MSRA: variants seen among roughly 807,000 people sequenced by gnomAD.
MSRA encodes mitochondrial peptide methionine sulfoxide reductase.
In MSRA, 54 loss-of-function variants were observed where a neutral mutation model predicts 31.3. The observed-to-expected ratio is 1.73, with a 90% confidence interval of 1.39 to 2.17. The LOEUF is 2.17. MSRA is among the 30% of genes most tolerant of loss of function. MSRA has a pLI of 0.00. For synonymous variants in MSRA, 169 were observed against 116.5 expected, an observed-to-expected ratio of 1.45 and a Z score of -2.90; for missense variants, 507 against 300.9, an observed-to-expected ratio of 1.69 and a Z score of -5.07.
intron 1 of MSRA, among the ~76,000 whole-genome samples, chr8:10,189,406 A>G (rs937517483): frequency 2.0e-5 from 3 of 152,178 alleles, no homozygotes; most frequent in African/African-American, 4.8e-5. Context: ...AGTGAGTGTA[A>G]ACCCTAGCTT....
chr8:10,149,815 G>A lies in MSRA; in HGVS notation c.143-58018G>A, dbSNP rs1173122305. Among the ~76,000 whole-genome samples the A allele has an allele frequency of 4.3e-4, 4 of 9,284 alleles. 1 individual carries two copies. Among genetic ancestry groups the A allele is most frequent in the Non-Finnish European group, 1.5e-3 (4 of 2,706 alleles). The allele number at this position is 9,284 out of a possible 152,430, so 6.1% of individuals were successfully genotyped here. A position where few individuals can be genotyped will look rare whatever the true frequency, so the allele number is the denominator to read the frequency against. On this transcript the variant is annotated intron_variant, in intron 1 of 5. Transcript: ENST00000317173. ...AATGACTAATATTTGAGAAGCACTA[G>A]TTTGTGGCACATGGGACGGTATATT...
At chr8:10,303,038 C>T (rs1276327571) in intron 4 of MSRA, among the ~76,000 whole-genome samples, 1 of 152,208 alleles carries the variant, frequency 6.6e-6, no homozygotes, top group East Asian at 1.9e-4. Flanking sequence ...TCTGGTAAGT[C>T]ATCAATCCAG....
chr8:10,143,232 T>C (rs1257879827), intron 1 of MSRA, among the ~76,000 whole-genome samples: 1 of 152,134 alleles, frequency 6.6e-6, no homozygotes, highest in Admixed American at 6.5e-5. Flanking sequence ...CATGTACTTA[T>C]CCCTCACATC....
At chr8:10,279,868 A>G (rs975157074) in intron 3 of MSRA, among the ~76,000 whole-genome samples, 1 of 152,190 alleles carries the variant, frequency 6.6e-6, no homozygotes, top group African/African-American at 2.4e-5. Flanking sequence ...TTCTGGAGCT[A>G]TTTCAAATAT....
intron 1 of MSRA, among the ~76,000 whole-genome samples, chr8:10,132,140 C>T (rs900888180): frequency 6.6e-6 from 1 of 152,200 alleles, no homozygotes; most frequent in Admixed American, 6.5e-5. Context: ...TTTAATTTAT[C>T]TGAACCGTGC....
rs1809551547 is a variant in MSRA at position 10,212,085 on chromosome 8, G to A, written c.211+4184G>A. On this transcript the variant is annotated intron_variant, in intron 2 of 5. Transcript: ENST00000317173. ...ACCTCTAATCCTAGCTACTTGGGAG[G>A]CTGAGGCAGGAGAATTACTTGAACC... Among the ~76,000 whole-genome samples, 4 of 152,100 alleles carry A rather than the reference G, an allele frequency of 2.6e-5. No individual in the cohort carries two copies. In the South Asian group the frequency reaches 6.2e-4, roughly 24 times the overall value.
At chr8:10,376,657 A>T (rs1280834954) in intron 5 of MSRA, among the ~76,000 whole-genome samples, 2 of 152,176 alleles carry the variant, frequency 1.3e-5, no homozygotes, top group Admixed American at 6.5e-5. Context: ...ACCCCAAGGG[A>T]ATCCTATTTT....
Position 10,115,276 on chromosome 8 carries a change from C to T in MSRA, c.142+60618C>T, listed in dbSNP as rs550638120. On this transcript the variant is annotated intron_variant, in intron 1 of 5. Transcript: ENST00000317173. ...TCATAGAACACTAGAAGAGTAACTG[C>T]GGTCATGGTGTTAGATTTTGTGGAA... Among the ~76,000 whole-genome samples, 142 of 152,248 alleles carry T rather than the reference C, an allele frequency of 9.3e-4. 2 individuals are homozygous for T. The South Asian group carries it at 0.027, about 29-fold the overall frequency.
intron 1 of MSRA, among the ~76,000 whole-genome samples, chr8:10,110,809 G>A (rs1800223988): frequency 6.6e-6 from 1 of 152,078 alleles, no homozygotes; most frequent in Admixed American, 6.5e-5. Context: ...ACCTTTTGGG[G>A]TCATACAGCA....
At chr8:10,290,416 C>A (rs941869271) in intron 3 of MSRA, among the ~76,000 whole-genome samples, 1 of 152,018 alleles carries the variant, frequency 6.6e-6, no homozygotes, top group Non-Finnish European at 1.5e-5. Context: ...CCTTTCAGGT[C>A]CCTTACAATT....
chr8:10,230,562 C>T (rs1050069444), intron 2 of MSRA, among the ~76,000 whole-genome samples: 1 of 152,170 alleles, frequency 6.6e-6, no homozygotes, highest in Non-Finnish European at 1.5e-5. Context: ...CCAGAGGCAA[C>T]CATTATTCCA....
At chr8:10,367,942 C>G (rs1045954246) in intron 5 of MSRA, among the ~76,000 whole-genome samples, 2 of 152,182 alleles carry the variant, frequency 1.3e-5, no homozygotes, top group East Asian at 1.9e-4. Flanking sequence ...CTCACTTACT[C>G]CAGGTGACAG....
chr8:10,397,679 CG>C (rs1807183916), intron 5 of MSRA, among the ~76,000 whole-genome samples: 1 of 152,192 alleles, frequency 6.6e-6, no homozygotes, highest in Non-Finnish European at 1.5e-5. Context: ...AAAATCATTT[CG>C]TCTTCTACCT....
intron 4 of MSRA, among the ~76,000 whole-genome samples, chr8:10,317,449 C>G (rs905871418): frequency 6.6e-6 from 1 of 152,170 alleles, no homozygotes; most frequent in Admixed American, 6.5e-5. Context: ...TCCTCTGGCT[C>G]TGCCGAGAGG....
chr8:10,083,151 G>T (rs1798377393), intron 1 of MSRA, among the ~76,000 whole-genome samples: 1 of 152,098 alleles, frequency 6.6e-6, no homozygotes, highest in Non-Finnish European at 1.5e-5. Flanking sequence ...TTTTTTCTGT[G>T]TTAAAAATAT....
At chr8:10,361,164 G>C (rs1804824043) in intron 5 of MSRA, among the ~76,000 whole-genome samples, 1 of 152,164 alleles carries the variant, frequency 6.6e-6, no homozygotes, top group African/African-American at 2.4e-5. Flanking sequence ...GAGGAGTATT[G>C]TTTCTTGGAG....
rs1052181957 is a variant in MSRA at position 10,339,703 on chromosome 8, G to A, written c.543+19714G>A. On this transcript the variant is annotated intron_variant, in intron 5 of 5. Coordinates refer to ENST00000317173, the MANE Select transcript of MSRA (RefSeq NM_012331.5). ...GCTACAGGTGCCTGCCACCACGCCC[G>A]GCTAATTTTTTGTATTTTTAGTAGA... 3.3e-5 allele frequency among the ~76,000 whole-genome samples: 5 copies of A among 151,738 alleles called. No homozygotes were observed. In the East Asian group the frequency reaches 5.8e-4, roughly 18 times the overall value.
At chr8:10,361,069 C>T (rs962709955) in intron 5 of MSRA, among the ~76,000 whole-genome samples, 26 of 152,202 alleles carry the variant, frequency 1.7e-4, no homozygotes, top group African/African-American at 6.3e-4. Flanking sequence ...CTTGGTGGCC[C>T]GTTTCCATGC....
chr8:10,113,755 G>T (rs979690411), intron 1 of MSRA, among the ~76,000 whole-genome samples: 1 of 151,352 alleles, frequency 6.6e-6, no homozygotes, highest in Non-Finnish European at 1.5e-5. Flanking sequence ...AGCAGCCCAG[G>T]TATTTGCATT....
Sources: gnomAD v4.1 joint callset for allele counts (sites outside exome capture counted in the v4.1 genomes callset) on GRCh38, gnomAD v4.1.1 for gene constraint, MANE v1.5 for transcripts, NCBI Gene and HGNC (gene_info 2026-07-23, HGNC 2026-07-21) for gene names.